The following BRAF variants were observed in gnomAD, a reference collection of about 807,000 sequenced individuals.
The protein encoded by BRAF is B-Raf proto-oncogene, serine/threonine kinase.
Under a neutral mutation model 104.6 loss-of-function variants are expected in BRAF, and 16 were observed. That is an observed-to-expected ratio of 0.15 (90% CI 0.10 to 0.23). BRAF has a LOEUF of 0.23. Ranked by LOEUF, BRAF falls within the 10% of genes least tolerant of loss-of-function variation. The pLI is 1.00. For missense variants in BRAF, 541 were observed against 937.3 expected, an observed-to-expected ratio of 0.58 and a Z score of 5.52; for synonymous variants, 310 against 341.6, an observed-to-expected ratio of 0.91 and a Z score of 1.02.
At chr7:140,761,002 A>G (rs924805745) in intron 14 of BRAF, among the ~76,000 whole-genome samples, 1 of 152,224 alleles carries the variant, frequency 6.6e-6, no homozygotes, top group Admixed American at 6.5e-5. Context: ...CAATCTAGCA[A>G]GGCAGGCCAA....
In BRAF at chr7:140,720,383, C is replaced by T; in HGVS notation, c.*6111G>A. 1 of 1,062,152 alleles carries T rather than the reference C, an allele frequency of 9.4e-7. No individual in the cohort carries two copies. The highest frequency in any genetic ancestry group is 4.6e-5 in the South Asian group (1 of 21,930). 65.8% of individuals were successfully genotyped at this position (1,062,152 alleles called of 1,614,324 possible). On this transcript the variant is annotated 3_prime_UTR_variant, in exon 20 of 20. Transcript: ENST00000644969. ...GAAGGGGACAGCACAGAGACATACA[C>T]CCCTGTATGTAAACTAACATAACAT...
rs138840824 is a variant in BRAF at position 140,862,091 on chromosome 7, G to A, written c.139-11879C>T. On this transcript the variant is annotated intron_variant, in intron 1 of 19. Transcript: ENST00000644969. ...AATCCTAGACCTATGTAACTGCAAA[G>A]TTTTTGTCAATTTAGTCCTTATTCA... Among the ~76,000 whole-genome samples the A allele has an allele frequency of 3.6e-3, 542 of 152,258 alleles. 6 individuals carry two copies. Among genetic ancestry groups the A allele is most frequent in the African/African-American group, 0.012 (513 of 41,538 alleles).
chr7:140,719,330 A>G, downstream of BRAF: 4 of 970,814 alleles, frequency 4.1e-6, no homozygotes, highest in Non-Finnish European at 5.0e-6. Context: ...GTCTTGATGA[A>G]GACTTCTCCA....
chr7:140,798,844 T>C (rs755798908), intron 7 of BRAF, among the ~76,000 whole-genome samples: 2 of 151,884 alleles, frequency 1.3e-5, no homozygotes, highest in Non-Finnish European at 2.9e-5. Context: ...AATGACGCCT[T>C]TGCATTATTT....
intron 19 of BRAF, among the ~76,000 whole-genome samples, chr7:140,729,183 C>T (rs1334838007): frequency 6.6e-6 from 1 of 151,862 alleles, no homozygotes; most frequent in Admixed American, 6.6e-5. Context: ...TGCAGTGAGC[C>T]AGGATTGTAC....
chr7:140,811,079 T>C (rs1202828809), intron 3 of BRAF, among the ~76,000 whole-genome samples: 2 of 152,210 alleles, frequency 1.3e-5, no homozygotes, highest in African/African-American at 2.4e-5. Flanking sequence ...GCATGAGTTA[T>C]AGTAATGTCA....
At chr7:140,801,251 G>T in intron 6 of BRAF, 161 bp downstream of exon 6, 1 of 699,882 alleles carries the variant, frequency 1.4e-6, no homozygotes, top group Non-Finnish European at 2.4e-6. Context: ...GAGAAATACT[G>T]TCCATTCCAC....
intron 16 of BRAF, among the ~76,000 whole-genome samples, chr7:140,750,472 G>A (rs1396269899): frequency 2.0e-5 from 3 of 152,182 alleles, no homozygotes; most frequent in African/African-American, 7.2e-5. Flanking sequence ...AGAGTCTGGG[G>A]GTGGGACCCA....
chr7:140,740,330 CTATA>C (rs1796814766), intron 17 of BRAF: 1 of 186,698 alleles, frequency 5.4e-6, no homozygotes, highest in East Asian at 1.4e-4. Context: ...GTTAAGTCCT[CTATA>C]TATGTGTAGG....
At chr7:140,791,886 G>C (rs906525547) in intron 8 of BRAF, among the ~76,000 whole-genome samples, 1 of 152,190 alleles carries the variant, frequency 6.6e-6, no homozygotes, top group Non-Finnish European at 1.5e-5. Context: ...GTGTAAGAGA[G>C]AAAGGCCAGG....
At chr7:140,745,827 G>A (rs1296453472) in intron 17 of BRAF, among the ~76,000 whole-genome samples, 1 of 152,332 alleles carries the variant, frequency 6.6e-6, no homozygotes, top group East Asian at 1.9e-4. Flanking sequence ...CTACTGATAA[G>A]AGACTAGTAC....
At chr7:140,755,752 C>A (rs1165708706) in intron 14 of BRAF, among the ~76,000 whole-genome samples, 1 of 151,772 alleles carries the variant, frequency 6.6e-6, no homozygotes, top group African/African-American at 2.4e-5. Context: ...AATAAATGGG[C>A]CCCAATCAAA....
chr7:140,856,993 T>C (rs1043007903), intron 1 of BRAF, among the ~76,000 whole-genome samples: 5 of 151,992 alleles, frequency 3.3e-5, no homozygotes, highest in African/African-American at 1.2e-4. Context: ...GGCTGAATAG[T>C]GGCCCCCCAC....
chr7:140,909,586 C>T (rs1037915034), intron 1 of BRAF, among the ~76,000 whole-genome samples: 10 of 152,060 alleles, frequency 6.6e-5, no homozygotes, highest in African/African-American at 1.7e-4. Flanking sequence ...AGAGTATTTG[C>T]GTCACCAATA....
chr7:140,809,177 T>C lies in BRAF; in HGVS notation c.505-182A>G, dbSNP rs538659734. Among the ~76,000 whole-genome samples the C allele has an allele frequency of 4.6e-5, 7 of 152,338 alleles. No individual in the cohort carries two copies. In the South Asian group the frequency reaches 6.2e-4, roughly 14 times the overall value. On this transcript the variant is annotated intron_variant, in intron 3 of 19. Transcript: ENST00000644969. Reference sequence around the variant, plus strand: ...TTATAACCCAAATATTTGTTATTATTCACCAACTTAAATCAAAGCAAAGTT... The same window carrying C: ...TTATAACCCAAATATTTGTTATTATCCACCAACTTAAATCAAAGCAAAGTT...
At chr7:140,776,339 T>G (rs1040267173) in intron 14 of BRAF, among the ~76,000 whole-genome samples, 1 of 152,230 alleles carries the variant, frequency 6.6e-6, no homozygotes, top group African/African-American at 2.4e-5. Flanking sequence ...TCATTTGCAC[T>G]TAAGAGTTGC....
intron 1 of BRAF, among the ~76,000 whole-genome samples, chr7:140,853,892 G>A (rs543942506): frequency 2.0e-5 from 3 of 152,186 alleles, no homozygotes; most frequent in South Asian, 2.1e-4. Context: ...ATAGGTTTTT[G>A]TCTTATTTTT....
At chr7:140,855,152 G>A (rs1809635962) in intron 1 of BRAF, among the ~76,000 whole-genome samples, 1 of 151,986 alleles carries the variant, frequency 6.6e-6, no homozygotes, top group Admixed American at 6.6e-5. Flanking sequence ...GTCAGAGAAA[G>A]AACTTTGATG....
rs551864059 is a variant in BRAF at position 140,825,438 on chromosome 7, G to A, written c.504+9171C>T. 1.1e-4 allele frequency among the ~76,000 whole-genome samples: 17 copies of A among 152,198 alleles called. 1 individual carries two copies. Among genetic ancestry groups the A allele is most frequent in the Admixed American group, 3.3e-4 (5 of 15,288 alleles). Reference sequence around the variant, plus strand: ...TTTGATTAACCCAATAAACTAATACGTTCATTATAGACTGTGCTTCTGGTG... The same window carrying A: ...TTTGATTAACCCAATAAACTAATACATTCATTATAGACTGTGCTTCTGGTG... On this transcript the variant is annotated intron_variant, in intron 3 of 19. Coordinates refer to ENST00000644969, the MANE Select transcript of BRAF (RefSeq NM_001374258.1).
Sources: gnomAD v4.1 joint callset for allele counts (sites outside exome capture counted in the v4.1 genomes callset) on GRCh38, gnomAD v4.1.1 for gene constraint, MANE v1.5 for transcripts, NCBI Gene and HGNC (gene_info 2026-07-23, HGNC 2026-07-21) for gene names.